The following ASPRV1 variants were observed in gnomAD, a reference collection of about 807,000 sequenced individuals.
ASPRV1 encodes aspartic peptidase retroviral like 1.
A neutral mutation model predicts 11.0 loss-of-function variants in ASPRV1; 7 were observed. The ratio of observed to expected loss-of-function variants is 0.64; its 90% CI spans 0.36 to 1.20. ASPRV1 has a LOEUF of 1.20. Ranked by LOEUF, ASPRV1 falls within the 50% of genes most tolerant of loss-of-function variation. The pLI is 0.02. For synonymous variants in ASPRV1, 136 were observed against 138.4 expected, an observed-to-expected ratio of 0.98 and a Z score of 0.12; for missense variants, 299 against 320.0, an observed-to-expected ratio of 0.93 and a Z score of 0.50.
At chr2:70,078,925 G>C in the ASPRV1 span, among the ~76,000 whole-genome samples, 1 of 152,194 alleles carries the variant, frequency 6.6e-6, no homozygotes, top group Non-Finnish European at 1.5e-5. Flanking sequence ...GTAGCAGCAG[G>C]GCAGGTGGTG....
chr2:69,978,043 T>C, the ASPRV1 span, among the ~76,000 whole-genome samples: 2 of 152,312 alleles, frequency 1.3e-5, no homozygotes, highest in Non-Finnish European at 2.9e-5. Flanking sequence ...CCCTAGCCCA[T>C]AAAGGAAGCA....
the ASPRV1 span, chr2:70,070,944 T>C: frequency 6.6e-6 from 1 of 152,236 alleles, no homozygotes; most frequent in Non-Finnish European, 1.5e-5. Flanking sequence ...CCTTTCCAAG[T>C]ATAAACAGAA....
chr2:70,061,736 G>C, the ASPRV1 span, among the ~76,000 whole-genome samples: 980 of 151,984 alleles, frequency 6.4e-3, 5 homozygotes, highest in Non-Finnish European at 8.9e-3. Flanking sequence ...ATCACCTGAG[G>C]TCAAGAGTTC....
At chr2:70,057,635 C>T in the ASPRV1 span, among the ~76,000 whole-genome samples, 11 of 151,302 alleles carry the variant, frequency 7.3e-5, no homozygotes, top group Admixed American at 2.0e-4. Flanking sequence ...TGCACCACCA[C>T]GCCCAGCTAA....
chr2:69,960,576 AC>A lies in ASPRV1; in HGVS notation c.*80del. 1 of 1,414,882 alleles carries A rather than the reference AC, an allele frequency of 7.1e-7. No individual in the cohort carries two copies. The highest frequency in any genetic ancestry group is 9.6e-7 in the Non-Finnish European group (1 of 1,044,738). The allele number at this position is 1,414,882 out of a possible 1,614,324, so 87.6% of individuals were successfully genotyped here. ...ATAAGCAGACTGGCCAAGCCCAGTG[AC>A]CCCCATGAGGATATGCAACCCCCCC... On this transcript the variant is annotated 3_prime_UTR_variant, in exon 1 of 1. Coordinates refer to ENST00000320256, the MANE Select transcript of ASPRV1 (RefSeq NM_152792.4).
chr2:70,005,423 T>C, the ASPRV1 span, among the ~76,000 whole-genome samples: 1 of 152,200 alleles, frequency 6.6e-6, no homozygotes, highest in African/African-American at 2.4e-5. Flanking sequence ...TCTAATTCTG[T>C]TGTCTTCTTG....
chr2:70,006,257 C>T, the ASPRV1 span, among the ~76,000 whole-genome samples: 1 of 152,192 alleles, frequency 6.6e-6, no homozygotes, highest in Non-Finnish European at 1.5e-5. Flanking sequence ...AAAGCCACAG[C>T]CACAGAGAAG....
At chr2:69,992,431 G>GT in the ASPRV1 span, among the ~76,000 whole-genome samples, 13 of 152,326 alleles carry the variant, frequency 8.5e-5, no homozygotes, top group South Asian at 2.5e-3. Flanking sequence ...ATCAGGCAGT[G>GT]TGAAAACCCA....
chr2:70,013,545 C>T, the ASPRV1 span, among the ~76,000 whole-genome samples: 1 of 152,120 alleles, frequency 6.6e-6, no homozygotes, highest in Non-Finnish European at 1.5e-5. Flanking sequence ...TAAAATGATA[C>T]TACTATTATC....
chr2:69,949,996 A>G, the ASPRV1 span, among the ~76,000 whole-genome samples: 1 of 152,012 alleles, frequency 6.6e-6, no homozygotes, highest in African/African-American at 2.4e-5. Flanking sequence ...TTGTATTTTT[A>G]GTAGGGATGG....
chr2:69,981,550 TTTG>T, the ASPRV1 span, among the ~76,000 whole-genome samples: 1 of 152,336 alleles, frequency 6.6e-6, no homozygotes, highest in South Asian at 2.1e-4. Flanking sequence ...AAAGGTTTTC[TTTG>T]TTGTTGTTGT....
At chr2:69,949,876 C>T in the ASPRV1 span, among the ~76,000 whole-genome samples, 7 of 152,186 alleles carry the variant, frequency 4.6e-5, no homozygotes, top group Admixed American at 4.6e-4. Flanking sequence ...AGTGCAATGG[C>T]ACGATCTCAG....
chr2:70,020,684 G>A, the ASPRV1 span, among the ~76,000 whole-genome samples: 1 of 152,180 alleles, frequency 6.6e-6, no homozygotes, highest in Non-Finnish European at 1.5e-5. Flanking sequence ...GGAGGTTGCA[G>A]TGAGCTGAGA....
Position 69,961,494 on chromosome 2 carries a change from G to C in ASPRV1, c.-58C>G. 1 of 1,614,140 alleles carries C rather than the reference G, an allele frequency of 6.2e-7. No individual in the cohort carries two copies. The highest frequency in any genetic ancestry group is 1.1e-5 in the South Asian group (1 of 91,084). ...CCCACGCCAAGAAGAGAAACCCACA[G>C]AGCAGTGTCGGCGCAATCACGCTGG... On this transcript the variant is annotated 5_prime_UTR_variant, in exon 1 of 1. Transcript: ENST00000320256.
At chr2:70,005,060 CTTATTA>C in the ASPRV1 span, among the ~76,000 whole-genome samples, 19 of 151,580 alleles carry the variant, frequency 1.3e-4, no homozygotes, top group Admixed American at 4.6e-4. Flanking sequence ...ACTATGGTTT[CTTATTA>C]TTATTATTAT....
At chr2:70,002,716 A>G in the ASPRV1 span, among the ~76,000 whole-genome samples, 1 of 152,208 alleles carries the variant, frequency 6.6e-6, no homozygotes, top group Non-Finnish European at 1.5e-5. Context: ...CTTTGATCCA[A>G]GGGAGCACTT....
At chr2:69,933,307 T>A in the ASPRV1 span, among the ~76,000 whole-genome samples, 1 of 152,062 alleles carries the variant, frequency 6.6e-6, no homozygotes, top group Non-Finnish European at 1.5e-5. Context: ...TCTCATAGTG[T>A]TTCTAATAAC....
the ASPRV1 span, among the ~76,000 whole-genome samples, chr2:70,008,353 T>C: frequency 6.6e-6 from 1 of 152,198 alleles, no homozygotes; most frequent in Non-Finnish European, 1.5e-5. Flanking sequence ...TCATTGATTA[T>C]GGTAAGCTTC....
the ASPRV1 span, among the ~76,000 whole-genome samples, chr2:70,047,270 C>A: frequency 6.6e-6 from 1 of 152,172 alleles, no homozygotes; most frequent in Non-Finnish European, 1.5e-5. Context: ...CAAGATTCCA[C>A]AGCCAGCAAT....
Sources: gnomAD v4.1 joint callset for allele counts (sites outside exome capture counted in the v4.1 genomes callset) on GRCh38, gnomAD v4.1.1 for gene constraint, MANE v1.5 for transcripts, NCBI Gene and HGNC (gene_info 2026-07-23, HGNC 2026-07-21) for gene names.